The following FAM81A variants were observed in gnomAD, a reference collection of about 807,000 sequenced individuals.
The protein encoded by FAM81A is protein FAM81A.
Under a neutral mutation model 46.7 loss-of-function variants are expected in FAM81A, and 19 were observed. The observed-to-expected ratio is 0.41, with a 90% CI of 0.28 to 0.60. The LOEUF is 0.60. FAM81A is among the 20% of genes least tolerant of loss of function. The pLI is 0.34. For missense variants in FAM81A, 377 were observed against 453.5 expected, an observed-to-expected ratio of 0.83 and a Z score of 1.53; for synonymous variants, 183 against 152.9, an observed-to-expected ratio of 1.20 and a Z score of -1.45.
chr15:59,454,303 A>G (rs2141623852), intron 1 of FAM81A, among the ~76,000 whole-genome samples: 1 of 152,340 alleles, frequency 6.6e-6, no homozygotes, highest in African/African-American at 2.4e-5. Flanking sequence ...CATGATTGGT[A>G]TTCAACTCTT....
At chr15:59,459,046 G>C (rs1491001882) in intron 2 of FAM81A, among the ~76,000 whole-genome samples, 3 of 152,220 alleles carry the variant, frequency 2.0e-5, no homozygotes, top group Non-Finnish European at 4.4e-5. Context: ...CCCCAGGCTA[G>C]AGTGCAGTGG....
intron 7 of FAM81A, among the ~76,000 whole-genome samples, chr15:59,515,491 C>T (rs1487198466): frequency 6.6e-6 from 1 of 152,110 alleles, no homozygotes; most frequent in African/African-American, 2.4e-5. Flanking sequence ...CATTGAGCAC[C>T]ATCAAGAGAG....
chr15:59,468,831 G>T (rs911277029), intron 3 of FAM81A, among the ~76,000 whole-genome samples: 14 of 152,260 alleles, frequency 9.2e-5, no homozygotes, highest in Admixed American at 6.5e-4. Context: ...GATCTTTCCT[G>T]CTTTCTCTTG....
At chr15:59,473,438 C>G (rs1373618759) in intron 3 of FAM81A, among the ~76,000 whole-genome samples, 1 of 152,196 alleles carries the variant, frequency 6.6e-6, no homozygotes, top group Non-Finnish European at 1.5e-5. Context: ...GGGTTTGGTA[C>G]TATCTGCAGT....
intron 1 of FAM81A, among the ~76,000 whole-genome samples, chr15:59,454,846 A>G (rs1365593854): frequency 6.6e-6 from 1 of 151,830 alleles, no homozygotes; most frequent in Non-Finnish European, 1.5e-5. Flanking sequence ...TTTGTTGCCC[A>G]GGCTGGTCTC....
At position 59,409,755 on chromosome 15, in the gene FAM81A, C is replaced by T. The variant is rs1019346251; in HGVS notation, c.-78+7397C>T. Among the ~76,000 whole-genome samples, 7 of 152,198 alleles carry T rather than the reference C, an allele frequency of 4.6e-5. No homozygotes were observed. In the East Asian group the frequency reaches 5.8e-4, roughly 13 times the overall value. On this transcript the variant is annotated intron_variant, in intron 2 of 4. Coordinates refer to the FAM81A transcript ENST00000558348. ...CATGCACTATATGCTATACTCTGAA[C>T]GTTTTATCTGCTTTTTTTCTCATCC...
chr15:59,431,996 CT>C lies in FAM81A; in HGVS notation c.-77-26553del, dbSNP rs201548562. On this transcript the variant is annotated intron_variant, in intron 2 of 4. Transcript: ENST00000558348. The stretch of plus-strand genomic sequence containing the variant: ...GGAGGGAAAACAAAGACGATTATAC[CT>C]ATTTATCTCTTTAAAAACAACTGCA... Among the ~76,000 whole-genome samples the C allele has an allele frequency of 6.1e-3, 932 of 152,210 alleles. 3 individuals carry two copies. The highest frequency in any genetic ancestry group is 0.021 in the African/African-American group (886 of 41,536).
chr15:59,454,529 A>C (rs189196151), intron 1 of FAM81A, among the ~76,000 whole-genome samples: 1 of 152,194 alleles, frequency 6.6e-6, no homozygotes, highest in Non-Finnish European at 1.5e-5. Context: ...ATAATCACAA[A>C]TAATCATTTT....
At chr15:59,405,721 C>G (rs997279479) in intron 2 of FAM81A, among the ~76,000 whole-genome samples, 1 of 152,308 alleles carries the variant, frequency 6.6e-6, no homozygotes, top group Middle Eastern at 3.4e-3. Flanking sequence ...CATAAGTGCA[C>G]TCCACACACA....
chr15:59,457,672 A>T (rs1336329432), intron 1 of FAM81A, among the ~76,000 whole-genome samples: 4 of 152,160 alleles, frequency 2.6e-5, no homozygotes, highest in Non-Finnish European at 5.9e-5. Flanking sequence ...TAATTTGTTT[A>T]AAGTTCTTTG....
At position 59,458,602 on chromosome 15, in the gene FAM81A, G is replaced by A. The variant is rs1370252588; in HGVS notation, c.-25G>A. 16 of 1,613,672 alleles carry A rather than the reference G, an allele frequency of 9.9e-6. No individual in the cohort carries two copies. The highest frequency in any genetic ancestry group is 5.3e-5 in the African/African-American group (4 of 74,884). On this transcript the variant is annotated 5_prime_UTR_variant, in exon 2 of 9. The change creates a new upstream start codon in the 5' untranslated region. Transcript: ENST00000288228. ...CAACGGAGCACTGTATTTCCTTCTC[G>A]TGTCACCAAGGAAAGGTATAATATA...
At chr15:59,407,452 G>A (rs1051292898) in intron 2 of FAM81A, among the ~76,000 whole-genome samples, 2 of 151,738 alleles carry the variant, frequency 1.3e-5, no homozygotes, top group Non-Finnish European at 1.5e-5. Context: ...CCGCCACCAC[G>A]CCCGGGTAAT....
intron 2 of FAM81A, among the ~76,000 whole-genome samples, chr15:59,410,363 G>A (rs571278686): frequency 4.2e-4 from 64 of 152,326 alleles, no homozygotes; most frequent in Admixed American, 9.2e-4. Flanking sequence ...GAGGCTTAAA[G>A]AGGTTAAGCT....
At chr15:59,424,121 C>T (rs2081185922) in intron 2 of FAM81A, among the ~76,000 whole-genome samples, 2 of 152,204 alleles carry the variant, frequency 1.3e-5, no homozygotes, top group African/African-American at 4.8e-5. Context: ...CACCAGTGAC[C>T]TCCTTGTTGC....
At chr15:59,481,883 T>C (rs1345885531) in intron 3 of FAM81A, among the ~76,000 whole-genome samples, 1 of 151,718 alleles carries the variant, frequency 6.6e-6, no homozygotes. Flanking sequence ...ACCTTTTTGA[T>C]TTTTGATATA....
At chr15:59,456,097 A>G (rs764745888) in intron 1 of FAM81A, among the ~76,000 whole-genome samples, 4 of 152,242 alleles carry the variant, frequency 2.6e-5, no homozygotes, top group Non-Finnish European at 5.9e-5. Context: ...GTATACAAAC[A>G]GATAAAGAGC....
chr15:59,479,368 G>A lies in FAM81A; in HGVS notation c.295-12903G>A, dbSNP rs188095702. Among the ~76,000 whole-genome samples, 117 of 151,994 alleles carry A rather than the reference G, an allele frequency of 7.7e-4. 1 individual carries two copies. Among genetic ancestry groups the A allele is most frequent in the African/African-American group, 2.5e-3 (102 of 41,472 alleles). ...TCTACTAAAAATACAAAAATTAGCC[G>A]GGTGTGGTGGCACGTGCCTGTACTC... On this transcript the variant is annotated intron_variant, in intron 3 of 8. Coordinates refer to ENST00000288228, the MANE Select transcript of FAM81A (RefSeq NM_152450.3).
intron 2 of FAM81A, among the ~76,000 whole-genome samples, chr15:59,428,315 G>C (rs1184401825): frequency 6.6e-6 from 1 of 152,002 alleles, no homozygotes; most frequent in Non-Finnish European, 1.5e-5. Context: ...TTCCTTGTCA[G>C]ATGAGTCCTC....
At chr15:59,490,933 G>A (rs749066509) in intron 3 of FAM81A, among the ~76,000 whole-genome samples, 3 of 152,170 alleles carry the variant, frequency 2.0e-5, no homozygotes, top group African/African-American at 7.2e-5. Flanking sequence ...GCAAGGATAT[G>A]GAGAAAAGGG....
Sources: gnomAD v4.1 joint callset for allele counts (sites outside exome capture counted in the v4.1 genomes callset) on GRCh38, gnomAD v4.1.1 for gene constraint, MANE v1.5 for transcripts, NCBI Gene and HGNC (gene_info 2026-07-23, HGNC 2026-07-21) for gene names.